Variants in KIAA1217 observed in about 807,000 individuals in gnomAD.
The protein encoded by KIAA1217 is sickle tail protein homolog.
In KIAA1217, 88 loss-of-function variants were observed where a neutral mutation model predicts 163.9. The observed-to-expected ratio is 0.54, with a 90% confidence interval of 0.45 to 0.64. The LOEUF (loss-of-function observed/expected upper bound fraction) is 0.64, where lower values mean the gene tolerates loss of function less well. Among genes scored for constraint, KIAA1217 ranks in the 30% least tolerant of loss-of-function variants. The pLI, the probability that KIAA1217 is intolerant of heterozygous loss-of-function variation, is 0.00. For missense variants in KIAA1217, 2,372 were observed against 2,475.0 expected (o/e 0.96, Z 0.88); for synonymous variants, 903 against 923.1 (o/e 0.98, Z 0.39).
chr10:24,249,253 C>CTT (rs2074205136), intron 2 of KIAA1217, among the ~76,000 whole-genome samples: 1 of 152,174 alleles, frequency 6.6e-6, no homozygotes, highest in African/African-American at 2.4e-5. Flanking sequence ...GTAAAATAAA[C>CTT]GTCCCCTAAT....
rs185524372 is a variant in KIAA1217 at position 23,859,385 on chromosome 10, A to G, written c.-320-147840A>G. Among the ~76,000 whole-genome samples the G allele has an allele frequency of 3.1e-3, 465 of 152,360 alleles. 4 individuals carry two copies. Among genetic ancestry groups the G allele is most frequent in the Non-Finnish European group, 5.5e-3 (373 of 68,036 alleles). On this transcript the variant is annotated intron_variant, in intron 1 of 18. Coordinates refer to the KIAA1217 transcript ENST00000376462. Reference sequence around the variant, plus strand: ...GGCACTAAACTCTCTATATGTAATGATAATGGTAACTTGAATGGAATTGTC... The same window carrying G: ...GGCACTAAACTCTCTATATGTAATGGTAATGGTAACTTGAATGGAATTGTC...
chr10:24,129,118 A>T (rs895206272), intron 2 of KIAA1217, among the ~76,000 whole-genome samples: 6 of 152,160 alleles, frequency 3.9e-5, no homozygotes, highest in Non-Finnish European at 8.8e-5. Flanking sequence ...AAAGGTACTA[A>T]CCTCCTACTA....
chr10:24,087,199 A>G (rs1589441861), intron 2 of KIAA1217, among the ~76,000 whole-genome samples: 1 of 152,230 alleles, frequency 6.6e-6, no homozygotes, highest in Admixed American at 6.5e-5. Flanking sequence ...TATTACTTAG[A>G]AAGATTCATG....
chr10:24,398,839 A>G (rs2056180101), intron 3 of KIAA1217, among the ~76,000 whole-genome samples: 1 of 152,134 alleles, frequency 6.6e-6, no homozygotes, highest in African/African-American at 2.4e-5. Flanking sequence ...TTGTCTCTAA[A>G]TGTGCAAACC....
At chr10:24,483,557 TAA>T (rs1325175661) in intron 6 of KIAA1217, among the ~76,000 whole-genome samples, 2 of 152,202 alleles carry the variant, frequency 1.3e-5, no homozygotes, top group Non-Finnish European at 2.9e-5. Context: ...TTCTTTTCCC[TAA>T]GAGTCATTAT....
At chr10:23,872,281 T>C (rs1258268131) in intron 1 of KIAA1217, among the ~76,000 whole-genome samples, 1 of 147,676 alleles carries the variant, frequency 6.8e-6, no homozygotes, top group African/African-American at 2.5e-5. Context: ...TGAATCTGGG[T>C]AGGACCAATA....
intron 3 of KIAA1217, among the ~76,000 whole-genome samples, chr10:24,411,214 G>T (rs952064088): frequency 2.0e-5 from 3 of 151,470 alleles, no homozygotes; most frequent in Admixed American, 1.3e-4. Context: ...AGTTGGACAG[G>T]TTTTTTTTTA....
chr10:24,298,890 G>C (rs944130442), intron 2 of KIAA1217, among the ~76,000 whole-genome samples: 1 of 152,188 alleles, frequency 6.6e-6, no homozygotes, highest in Non-Finnish European at 1.5e-5. Flanking sequence ...GGGAATTCAT[G>C]TATGGGGCAA....
At chr10:24,377,157 G>T (rs1268129172) in intron 2 of KIAA1217, among the ~76,000 whole-genome samples, 1 of 152,140 alleles carries the variant, frequency 6.6e-6, no homozygotes, top group Non-Finnish European at 1.5e-5. Flanking sequence ...GGGTTCAGGT[G>T]GCCTGATTAT....
chr10:23,738,637 A>G (rs1316078047), intron 1 of KIAA1217, among the ~76,000 whole-genome samples: 5 of 150,814 alleles, frequency 3.3e-5, no homozygotes, highest in African/African-American at 4.9e-5. Context: ...TATTTCTTCA[A>G]ATCCAAGAAG....
At chr10:23,782,124 G>C (rs1044677301) in intron 1 of KIAA1217, among the ~76,000 whole-genome samples, 5 of 152,000 alleles carry the variant, frequency 3.3e-5, no homozygotes, top group African/African-American at 1.2e-4. Context: ...TTTTGACAGT[G>C]ATTGCATTGT....
At chr10:24,426,201 C>A (rs1219862166) in intron 3 of KIAA1217, among the ~76,000 whole-genome samples, 1 of 152,192 alleles carries the variant, frequency 6.6e-6, no homozygotes, top group Non-Finnish European at 1.5e-5. Flanking sequence ...CACTTGGCCA[C>A]ATTACAGGAA....
chr10:24,065,902 T>C (rs2060924061), intron 2 of KIAA1217, among the ~76,000 whole-genome samples: 3 of 152,220 alleles, frequency 2.0e-5, no homozygotes, highest in South Asian at 4.1e-4. Context: ...TGTAATGGCC[T>C]TCTTTGTCTC....
chr10:24,111,625 ACCTTT>A (rs1173085229), intron 2 of KIAA1217, among the ~76,000 whole-genome samples: 1 of 152,158 alleles, frequency 6.6e-6, no homozygotes, highest in Non-Finnish European at 1.5e-5. Flanking sequence ...AACTTCACTG[ACCTTT>A]TTCTCCTCTG....
intron 2 of KIAA1217, among the ~76,000 whole-genome samples, chr10:24,029,615 A>G (rs988043741): frequency 6.6e-6 from 1 of 152,164 alleles, no homozygotes; most frequent in Non-Finnish European, 1.5e-5. Flanking sequence ...TTTCTCCCCC[A>G]TTTTAAGAAG....
Position 23,786,369 on chromosome 10 carries a change from G to A in KIAA1217, c.-321+91135G>A, listed in dbSNP as rs1365861338. On this transcript the variant is annotated intron_variant, in intron 1 of 18. Coordinates refer to the KIAA1217 transcript ENST00000376462. ...GTGAATGGGACTTGAGATTAAACCA[G>A]TTTGGCCAAATCATTCTGTTTTGGT... Among the ~76,000 whole-genome samples, 8 of 152,142 alleles carry A rather than the reference G, an allele frequency of 5.3e-5. No homozygotes were observed. In the East Asian group the frequency reaches 1.6e-3, roughly 29 times the overall value.
At chr10:24,432,929 C>T in intron 3 of KIAA1217, 66 bp from the exon 4 acceptor site, 1 of 1,321,946 alleles carries the variant, frequency 7.6e-7, no homozygotes, top group African/African-American at 1.4e-5. Flanking sequence ...AAAGAAGTGG[C>T]TCAGCTTGTG....
intron 2 of KIAA1217, among the ~76,000 whole-genome samples, chr10:24,108,701 A>G (rs2062724359): frequency 6.6e-6 from 1 of 152,204 alleles, no homozygotes; most frequent in African/African-American, 2.4e-5. Context: ...ATGATACTTG[A>G]TAAGTCTATT....
intron 1 of KIAA1217, among the ~76,000 whole-genome samples, chr10:23,915,467 G>A (rs1842598081): frequency 6.6e-6 from 1 of 152,116 alleles, no homozygotes; most frequent in Admixed American, 6.6e-5. Context: ...AAAAGGAGAT[G>A]AGGGGAAAAC....
Sources: allele counts gnomAD v4.1 joint callset (sites outside exome capture counted in the v4.1 genomes callset), GRCh38; gene constraint gnomAD v4.1.1; transcripts MANE v1.5; gene names NCBI Gene and HGNC (gene_info 2026-07-23, HGNC 2026-07-21).